The following DLGAP2 variants were observed in gnomAD, a reference collection of about 807,000 sequenced individuals.
The protein encoded by DLGAP2 is DLG associated protein 2, also known as disks large-associated protein 2.
In DLGAP2, 26 loss-of-function variants were observed where a neutral mutation model predicts 100.3. The ratio of observed to expected loss-of-function variants is 0.26; its 90% CI spans 0.19 to 0.36. The LOEUF (loss-of-function observed/expected upper bound fraction) is 0.36. Ranked by LOEUF, DLGAP2 falls within the 10% of genes least tolerant of loss-of-function variation. The pLI, the probability that DLGAP2 is intolerant of heterozygous loss-of-function variation, is 1.00. For missense variants in DLGAP2, 1,858 were observed against 1,453.2 expected, an observed-to-expected ratio of 1.28 and a Z score of -4.53; for synonymous variants, 886 against 630.1, an observed-to-expected ratio of 1.41 and a Z score of -6.08.
intron 2 of DLGAP2, among the ~76,000 whole-genome samples, chr8:1,119,115 C>T (rs1393359740): frequency 2.6e-5 from 4 of 152,118 alleles, no homozygotes; most frequent in Non-Finnish European, 5.9e-5. Flanking sequence ...GTGATTTTTT[C>T]CCATTTAAGT....
At chr8:1,409,620 A>T (rs115728835) in intron 3 of DLGAP2, among the ~76,000 whole-genome samples, 1 of 152,102 alleles carries the variant, frequency 6.6e-6, no homozygotes, top group African/African-American at 2.4e-5. Flanking sequence ...CTGGGAAGAC[A>T]TTTTCCAGAT....
At chr8:1,653,151 G>A (rs975270747) in intron 8 of DLGAP2, among the ~76,000 whole-genome samples, 6 of 152,270 alleles carry the variant, frequency 3.9e-5, no homozygotes, top group South Asian at 2.1e-4. Context: ...GTGGCATCGC[G>A]TTGGTTCTTA....
intron 2 of DLGAP2, among the ~76,000 whole-genome samples, chr8:1,063,740 A>T (rs749101487): frequency 6.6e-6 from 1 of 152,180 alleles, no homozygotes; most frequent in South Asian, 2.1e-4. Flanking sequence ...CATGGCCAAT[A>T]GGAAGATGTT....
chr8:1,674,740 A>G (rs1448764241), intron 10 of DLGAP2, among the ~76,000 whole-genome samples: 2 of 152,242 alleles, frequency 1.3e-5, no homozygotes, highest in Non-Finnish European at 2.9e-5. Context: ...ATGTATTTAT[A>G]TAGCAGCATC....
At chr8:1,372,859 C>T (rs1379309487) in intron 3 of DLGAP2, among the ~76,000 whole-genome samples, 1 of 152,212 alleles carries the variant, frequency 6.6e-6, no homozygotes, top group African/African-American at 2.4e-5. Flanking sequence ...AGAATTCCTT[C>T]AGCTGTGTTT....
At chr8:1,528,018 T>G (rs549086686) in intron 4 of DLGAP2, among the ~76,000 whole-genome samples, 15 of 152,328 alleles carry the variant, frequency 9.8e-5, no homozygotes, top group Non-Finnish European at 1.8e-4. Flanking sequence ...AAAAAAGTCC[T>G]TACTGAAAGA....
chr8:1,078,516 A>C lies in DLGAP2; in HGVS notation c.73+170550A>C, dbSNP rs147092345. On this transcript the variant is annotated intron_variant, in intron 2 of 14. Coordinates refer to ENST00000637795, the MANE Select transcript of DLGAP2 (RefSeq NM_001346810.2). Reference sequence around the variant, plus strand: ...CGTATGCCCACCCTGGCAGCATCACACAGAGGAGTTTTGCTGCCCTAAAAA... The same window carrying C: ...CGTATGCCCACCCTGGCAGCATCACCCAGAGGAGTTTTGCTGCCCTAAAAA... Among the ~76,000 whole-genome samples the C allele has an allele frequency of 1.4e-4, 21 of 152,262 alleles. No individual in the cohort carries two copies. In the East Asian group the frequency reaches 3.9e-3, roughly 28 times the overall value.
chr8:777,343 C>T (rs1041496905), intron 1 of DLGAP2, among the ~76,000 whole-genome samples: 3 of 151,908 alleles, frequency 2.0e-5, no homozygotes, highest in Non-Finnish European at 4.4e-5. Context: ...GCATTTAGTC[C>T]ATTTACATTT....
rs1360626609 is a variant in DLGAP2, at chr8:1,235,796, G to A, written c.74-23055G>A. On this transcript the variant is annotated intron_variant, in intron 2 of 14. Coordinates refer to ENST00000637795, the MANE Select transcript of DLGAP2 (RefSeq NM_001346810.2). ...CTAGTTCTGTCTCACACAGAGCATC[G>A]TGTCTAGTTCTCTCACATGGCGCCG... is the stretch of plus-strand genomic sequence containing the variant. 3.4e-4 allele frequency among the ~76,000 whole-genome samples: 4 copies of A among 11,854 alleles called. 1 individual carries two copies. The highest frequency in any genetic ancestry group is 2.3e-3 in the South Asian group (1 of 426). The allele number at this position is 11,854 out of a possible 152,430, so 7.8% of individuals were successfully genotyped here.
chr8:1,554,244 C>T (rs1482210411), intron 5 of DLGAP2, among the ~76,000 whole-genome samples: 4 of 152,228 alleles, frequency 2.6e-5, no homozygotes, highest in Admixed American at 6.5e-5. Context: ...GCCAAGATCA[C>T]GCCACTGCAC....
chr8:1,251,837 G>A (rs765764885), intron 2 of DLGAP2, among the ~76,000 whole-genome samples: 2 of 152,326 alleles, frequency 1.3e-5, no homozygotes, highest in Admixed American at 6.5e-5. Flanking sequence ...TGTCCTGTAG[G>A]CGTGTTGCAT....
intron 1 of DLGAP2, among the ~76,000 whole-genome samples, chr8:798,761 T>C (rs1339474313): frequency 7.0e-6 from 1 of 142,764 alleles, no homozygotes; most frequent in Non-Finnish European, 1.5e-5. Context: ...AAGCAAACGC[T>C]TGTTGAGTCA....
chr8:850,415 T>A (rs1240714178), intron 1 of DLGAP2, among the ~76,000 whole-genome samples: 1 of 152,222 alleles, frequency 6.6e-6, no homozygotes, highest in Non-Finnish European at 1.5e-5. Flanking sequence ...TTACAATGTA[T>A]TTTAAGAAAA....
chr8:1,514,531 G>A (rs940561652), intron 4 of DLGAP2, among the ~76,000 whole-genome samples: 5 of 152,240 alleles, frequency 3.3e-5, no homozygotes, highest in Non-Finnish European at 7.3e-5. Context: ...ATTTCAGTAA[G>A]AGCTACACAT....
chr8:1,664,421 A>G (rs62483119), intron 8 of DLGAP2, among the ~76,000 whole-genome samples: 3,687 of 152,208 alleles, frequency 0.024, 70 homozygotes, highest in Non-Finnish European at 0.038. Flanking sequence ...GGGCATCCCT[A>G]GTCTCTGATG....
At chr8:1,476,355 C>G (rs1293047137) in intron 3 of DLGAP2, among the ~76,000 whole-genome samples, 2 of 152,220 alleles carry the variant, frequency 1.3e-5, no homozygotes, top group Non-Finnish European at 2.9e-5. Context: ...GCAGCACATT[C>G]TCGGCTGCAT....
intron 4 of DLGAP2, among the ~76,000 whole-genome samples, chr8:1,516,991 C>A (rs1248894591): frequency 6.6e-6 from 1 of 152,074 alleles, no homozygotes; most frequent in African/African-American, 2.4e-5. Flanking sequence ...CCTGCCAGTC[C>A]CCAACAGCCC....
chr8:979,603 A>G (rs151053431), intron 2 of DLGAP2, among the ~76,000 whole-genome samples: 265 of 152,336 alleles, frequency 1.7e-3, no homozygotes, highest in Admixed American at 3.3e-3. Context: ...ATTTCTCATT[A>G]TCAGGTAAAG....
At chr8:1,038,922 C>T (rs547228582) in intron 2 of DLGAP2, among the ~76,000 whole-genome samples, 6 of 152,152 alleles carry the variant, frequency 3.9e-5, no homozygotes, top group Non-Finnish European at 8.8e-5. Flanking sequence ...GTAACCCATC[C>T]ATTTGAATTG....
Sources: allele counts gnomAD v4.1 joint callset (sites outside exome capture counted in the v4.1 genomes callset), GRCh38; gene constraint gnomAD v4.1.1; transcripts MANE v1.5; gene names NCBI Gene and HGNC (gene_info 2026-07-23, HGNC 2026-07-21).